The following PLEKHG1 variants were observed in gnomAD, a reference collection of about 807,000 sequenced individuals.
PLEKHG1 encodes pleckstrin homology and RhoGEF domain containing G1, also known as pleckstrin homology domain-containing family G member 1.
A neutral mutation model predicts 100.8 loss-of-function variants in PLEKHG1; 44 were observed. The observed-to-expected ratio is 0.44, with a 90% confidence interval of 0.34 to 0.56. The LOEUF (loss-of-function observed/expected upper bound fraction) is 0.56, where lower values mean the gene tolerates loss of function less well. Ranked by LOEUF, PLEKHG1 falls within the 20% of genes least tolerant of loss-of-function variation. The probability of loss-of-function intolerance (pLI) is 0.01; values close to 1 mark genes in which losing one functional copy is unlikely to be tolerated. For synonymous variants in PLEKHG1, 640 were observed against 662.5 expected, an observed-to-expected ratio of 0.97 and a Z score of 0.52; for missense variants, 1,545 against 1,720.9, an observed-to-expected ratio of 0.90 and a Z score of 1.81.
intron 3 of PLEKHG1, among the ~76,000 whole-genome samples, chr6:150,783,372 CTTT>C (rs201678941): frequency 6.5e-5 from 9 of 138,836 alleles, no homozygotes; most frequent in East Asian, 2.1e-4. Context: ...AGAGATTCTT[CTTT>C]TTTTTTTTTT....
intron 3 of PLEKHG1, chr6:150,664,226 T>C (rs1779314367): frequency 6.6e-6 from 1 of 152,246 alleles, no homozygotes; most frequent in Non-Finnish European, 1.5e-5. Flanking sequence ...GACAGAAACC[T>C]CTTCACAGCC....
intron 14 of PLEKHG1, among the ~76,000 whole-genome samples, chr6:150,825,010 G>C (rs1776517764): frequency 6.6e-6 from 1 of 152,106 alleles, no homozygotes; most frequent in African/African-American, 2.4e-5. Context: ...GCTCTTCAAA[G>C]CAGCCACAGT....
At chr6:150,803,486 T>G (rs1243041447) in intron 6 of PLEKHG1, among the ~76,000 whole-genome samples, 1 of 152,202 alleles carries the variant, frequency 6.6e-6, no homozygotes. Context: ...TTCTCTATCC[T>G]TAGACTCTTG....
chr6:150,816,942 G>GATTCAC (rs1775995377), intron 10 of PLEKHG1, among the ~76,000 whole-genome samples: 1 of 152,160 alleles, frequency 6.6e-6, no homozygotes, highest in Non-Finnish European at 1.5e-5. Flanking sequence ...ACACTCCTAT[G>GATTCAC]AGTATCTAAT....
chr6:150,724,558 C>CTTTTTTTTTTTTTTT (rs34140367), intron 1 of PLEKHG1, among the ~76,000 whole-genome samples: 18 of 100,478 alleles, frequency 1.8e-4, no homozygotes, highest in Admixed American at 4.2e-4. Context: ...TTTTCTTTTT[C>CTTTTTTTTTTTTTTT]TTTTTTTTTT....
chr6:150,716,268 C>G (rs562532835), upstream of PLEKHG1, among the ~76,000 whole-genome samples: 439 of 152,226 alleles, frequency 2.9e-3, 1 homozygote, highest in Non-Finnish European at 4.6e-3. Context: ...TCCACAATGG[C>G]AAGATCTTAA....
At chr6:150,773,788 C>T (rs1377053976) in intron 3 of PLEKHG1, among the ~76,000 whole-genome samples, 1 of 152,184 alleles carries the variant, frequency 6.6e-6, no homozygotes, top group East Asian at 1.9e-4. Flanking sequence ...TTAATTTCAA[C>T]AGAATTGACA....
intron 2 of PLEKHG1, among the ~76,000 whole-genome samples, chr6:150,762,299 C>T (rs1784202943): frequency 6.6e-6 from 1 of 151,914 alleles, no homozygotes; most frequent in South Asian, 2.1e-4. Flanking sequence ...AAGCGATTCT[C>T]CTGCCTCAGC....
chr6:150,652,222 G>C (rs1245350789), intron 3 of PLEKHG1, among the ~76,000 whole-genome samples: 2 of 152,190 alleles, frequency 1.3e-5, no homozygotes, highest in Non-Finnish European at 2.9e-5. Flanking sequence ...CTTTCTGTTA[G>C]GTCCAGGCAA....
chr6:150,834,420 T>C (rs115620036), intron 15 of PLEKHG1, among the ~76,000 whole-genome samples: 2,517 of 152,260 alleles, frequency 0.017, 72 homozygotes, highest in African/African-American at 0.057. Context: ...AATGTAATGC[T>C]GAAGTTTTTG....
At chr6:150,826,884 C>A (rs1323959585) in intron 14 of PLEKHG1, among the ~76,000 whole-genome samples, 1 of 152,110 alleles carries the variant, frequency 6.6e-6, no homozygotes, top group Non-Finnish European at 1.5e-5. Context: ...AGTGATCCTC[C>A]CACCTTCACC....
rs188866976 is a variant in PLEKHG1 at position 150,766,105 on chromosome 6, A to T, written c.412-2533A>T. On this transcript the variant is annotated intron_variant, in intron 2 of 15. Coordinates refer to ENST00000358517, the Ensembl canonical transcript of PLEKHG1. ...ATAAACTGATTAGAAAGTAAATAGG[A>T]GAAATTTTAAATCACAGAACATCAT... 2.0e-5 allele frequency among the ~76,000 whole-genome samples: 3 copies of T among 152,356 alleles called. No homozygotes were observed. In the East Asian group the frequency reaches 5.8e-4, roughly 29 times the overall value.
intron 7 of PLEKHG1, among the ~76,000 whole-genome samples, chr6:150,805,719 G>A (rs1255783043): frequency 1.3e-5 from 2 of 151,990 alleles, no homozygotes; most frequent in East Asian, 3.9e-4. Context: ...TAGAGACGGG[G>A]TTTCACCAGG....
chr6:150,678,772 A>G (rs1399188462), intron 3 of PLEKHG1, among the ~76,000 whole-genome samples: 2 of 152,220 alleles, frequency 1.3e-5, no homozygotes, highest in African/African-American at 4.8e-5. Context: ...TCCAATGGCC[A>G]AATCTTGAGG....
At chr6:150,629,908 T>C (rs1457274920) in intron 1 of PLEKHG1, among the ~76,000 whole-genome samples, 2 of 152,186 alleles carry the variant, frequency 1.3e-5, no homozygotes, top group Admixed American at 6.5e-5. Flanking sequence ...CTTTTCTGTA[T>C]TTTGGGAGAT....
rs1474819206 is a variant in PLEKHG1, at chr6:150,600,023, C to A, written c.-204+6C>A. 4.3e-6 allele frequency: 1 copy of A among 233,376 alleles called. No individual in the cohort carries two copies. The highest frequency in any genetic ancestry group is 9.2e-6 in the Non-Finnish European group (1 of 108,704). The allele number at this position is 233,376 out of a possible 1,614,324, so 14.5% of individuals were successfully genotyped here. A position where few individuals can be genotyped will look rare whatever the true frequency, so the allele number is the denominator to read the frequency against. On this transcript the variant is annotated splice_donor_region_variant and intron_variant, in intron 1 of 3. Transcript: ENST00000367326. This position sits in a 1 kb window ranked among gnomAD's most constrained non-coding sequence, Gnocchi z 6.2. Reference sequence around the variant, plus strand: ...GCGAAGCCGTCCCTCCCCGGGTAAGCGCCGGTCGGGCCCGGACGCCCTGGG... The same window carrying A: ...GCGAAGCCGTCCCTCCCCGGGTAAGAGCCGGTCGGGCCCGGACGCCCTGGG...
intron 6 of PLEKHG1, among the ~76,000 whole-genome samples, chr6:150,803,948 C>A (rs934565420): frequency 1.3e-5 from 2 of 151,544 alleles, no homozygotes; most frequent in Non-Finnish European, 2.9e-5. Context: ...GCTATAAGAG[C>A]AATTTCCACG....
intron 2 of PLEKHG1, among the ~76,000 whole-genome samples, chr6:150,751,447 C>A (rs1783506503): frequency 2.0e-5 from 3 of 152,122 alleles, no homozygotes; most frequent in African/African-American, 7.2e-5. Context: ...ATTCAAGAAG[C>A]ATAAGTCTAC....
At chr6:150,621,375 ATTTT>A (rs111639263) in intron 1 of PLEKHG1, among the ~76,000 whole-genome samples, 1 of 141,448 alleles carries the variant, frequency 7.1e-6, no homozygotes. Flanking sequence ...GCACAAATCA[ATTTT>A]TTTTTTTTTT....
Sources: allele counts gnomAD v4.1 joint callset (sites outside exome capture counted in the v4.1 genomes callset), GRCh38; gene constraint gnomAD v4.1.1; non-coding constraint Gnocchi (gnomAD v3.1); transcripts MANE v1.5; gene names NCBI Gene and HGNC (gene_info 2026-07-23, HGNC 2026-07-21).